KCNQ5: variants seen among roughly 807,000 people sequenced by gnomAD.
KCNQ5 encodes potassium voltage-gated channel subfamily Q member 5, also known as potassium voltage-gated channel subfamily KQT member 5.
Under a neutral mutation model 98.2 loss-of-function variants are expected in KCNQ5, and 30 were observed. That is an observed-to-expected ratio of 0.31 (90% CI 0.23 to 0.41). The LOEUF is 0.41. Among genes scored for constraint, KCNQ5 ranks in the 10% least tolerant of loss-of-function variants. KCNQ5 has a pLI of 1.00. For missense variants in KCNQ5, 835 were observed against 1,182.5 expected, an observed-to-expected ratio of 0.71 and a Z score of 4.31; for synonymous variants, 458 against 449.4, an observed-to-expected ratio of 1.02 and a Z score of -0.24.
intron 1 of KCNQ5, among the ~76,000 whole-genome samples, chr6:72,851,038 C>CTA (rs1777232370): frequency 6.6e-6 from 1 of 152,032 alleles, no homozygotes; most frequent in Admixed American, 6.6e-5. Context: ...GAAGTAGGTT[C>CTA]ACATATAATA....
At chr6:72,838,867 G>A (rs1189863611) in intron 1 of KCNQ5, among the ~76,000 whole-genome samples, 8 of 146,450 alleles carry the variant, frequency 5.5e-5, no homozygotes, top group East Asian at 2.0e-4. Context: ...GGAGAATGGC[G>A]TGAACCCGGG....
intron 1 of KCNQ5, among the ~76,000 whole-genome samples, chr6:72,781,479 A>G (rs1350779529): frequency 6.6e-6 from 1 of 152,324 alleles, no homozygotes; most frequent in African/African-American, 2.4e-5. Context: ...TTATATGTTT[A>G]TAACTGTGTG....
At chr6:73,129,699 A>T (rs533766989) in intron 9 of KCNQ5, 3 of 1,033,342 alleles carry the variant, frequency 2.9e-6, no homozygotes, top group African/African-American at 3.2e-5. Context: ...AAAACAATAA[A>T]GCCAAATGGC....
intron 1 of KCNQ5, among the ~76,000 whole-genome samples, chr6:72,786,673 G>A (rs1000116555): frequency 6.6e-6 from 1 of 152,050 alleles, no homozygotes; most frequent in Non-Finnish European, 1.5e-5. Flanking sequence ...CGCAATACTG[G>A]CCTCTCACAA....
chr6:72,642,005 G>C (rs1406561159), intron 1 of KCNQ5, among the ~76,000 whole-genome samples: 1 of 151,428 alleles, frequency 6.6e-6, no homozygotes, highest in Non-Finnish European at 1.5e-5. Flanking sequence ...CCTCCACGCT[G>C]ATGGTCCTGA....
At chr6:72,791,870 C>T (rs1042982307) in intron 1 of KCNQ5, among the ~76,000 whole-genome samples, 3 of 152,156 alleles carry the variant, frequency 2.0e-5, no homozygotes, top group African/African-American at 4.8e-5. Context: ...CTGATAACAG[C>T]ATTAATCCAT....
rs538100744 is a variant in KCNQ5, at chr6:72,961,982, G to A, written c.399-41926G>A. Among the ~76,000 whole-genome samples the A allele has an allele frequency of 2.0e-5, 3 of 151,720 alleles. No homozygotes were observed. In the South Asian group the frequency reaches 6.3e-4, roughly 32 times the overall value. On this transcript the variant is annotated intron_variant, in intron 1 of 13. Transcript: ENST00000370398. ...CCTTGAGTCCAGGAGTTTGAGATCA[G>A]CCTGGGCAACATGGTGAAACCCCGT...
intron 1 of KCNQ5, among the ~76,000 whole-genome samples, chr6:72,828,358 G>T (rs1401273632): frequency 1.3e-5 from 2 of 152,130 alleles, no homozygotes; most frequent in African/African-American, 2.4e-5. Flanking sequence ...TCTAATCCAT[G>T]ACCATAGGAT....
At chr6:72,721,153 T>C (rs1251003470) in intron 1 of KCNQ5, among the ~76,000 whole-genome samples, 1 of 152,186 alleles carries the variant, frequency 6.6e-6, no homozygotes, top group African/African-American at 2.4e-5. Context: ...CATCAACATG[T>C]AGGGTTACTG....
At chr6:72,835,200 G>T (rs542076015) in intron 1 of KCNQ5, among the ~76,000 whole-genome samples, 1 of 151,966 alleles carries the variant, frequency 6.6e-6, no homozygotes, top group South Asian at 2.1e-4. Context: ...GCTATTGCTC[G>T]TATATTAAAG....
chr6:72,965,571 T>C (rs1447843651), intron 1 of KCNQ5, among the ~76,000 whole-genome samples: 2 of 152,188 alleles, frequency 1.3e-5, no homozygotes, highest in South Asian at 2.1e-4. Context: ...TCATCGGGAA[T>C]GTGAAGTGTG....
At chr6:72,665,905 T>G (rs1766787193) in intron 1 of KCNQ5, among the ~76,000 whole-genome samples, 1 of 152,330 alleles carries the variant, frequency 6.6e-6, no homozygotes, top group Middle Eastern at 3.4e-3. Context: ...CATAGGAATT[T>G]TAGTCATTAT....
At chr6:72,800,683 G>T (rs1401346552) in intron 1 of KCNQ5, among the ~76,000 whole-genome samples, 2 of 152,078 alleles carry the variant, frequency 1.3e-5, no homozygotes, top group Non-Finnish European at 2.9e-5. Flanking sequence ...GAATGTGTTT[G>T]CTCTTGCTTT....
intron 1 of KCNQ5, among the ~76,000 whole-genome samples, chr6:72,835,797 G>T (rs75379174): frequency 6.6e-6 from 1 of 152,068 alleles, no homozygotes; most frequent in East Asian, 1.9e-4. Flanking sequence ...TAACCATTAC[G>T]CTACACTCAG....
intron 3 of KCNQ5, among the ~76,000 whole-genome samples, chr6:73,058,433 A>AT (rs1319570456): frequency 6.6e-6 from 1 of 152,164 alleles, no homozygotes; most frequent in Non-Finnish European, 1.5e-5. Context: ...ACCTAAAACT[A>AT]TAAAAACCCT....
intron 1 of KCNQ5, among the ~76,000 whole-genome samples, chr6:72,919,858 A>G (rs1490851429): frequency 6.6e-6 from 1 of 152,110 alleles, no homozygotes; most frequent in Non-Finnish European, 1.5e-5. Flanking sequence ...TCAAGAGCTC[A>G]CTAGTAATTT....
chr6:72,885,406 C>T (rs1376098451), intron 1 of KCNQ5, among the ~76,000 whole-genome samples: 3 of 152,162 alleles, frequency 2.0e-5, no homozygotes, highest in African/African-American at 7.2e-5. Context: ...AGGAGGATCA[C>T]TTGAGCCCAG....
At chr6:73,179,320 A>G (rs1388134488) in intron 11 of KCNQ5, among the ~76,000 whole-genome samples, 1 of 152,126 alleles carries the variant, frequency 6.6e-6, no homozygotes, top group Non-Finnish European at 1.5e-5. Flanking sequence ...AGGGCATCAC[A>G]TAGCAAGCAG....
chr6:72,806,576 C>CAGACGAAGTAAGGCA (rs1561995821), intron 1 of KCNQ5, among the ~76,000 whole-genome samples: 1 of 152,164 alleles, frequency 6.6e-6, no homozygotes, highest in African/African-American at 2.4e-5. Context: ...AGCAGAGAAT[C>CAGACGAAGTAAGGCA]ATAATACTTA....
Sources: allele counts gnomAD v4.1 joint callset (sites outside exome capture counted in the v4.1 genomes callset), GRCh38; gene constraint gnomAD v4.1.1; transcripts MANE v1.5; gene names NCBI Gene and HGNC (gene_info 2026-07-23, HGNC 2026-07-21).